ZRANB3: variants seen among roughly 807,000 people sequenced by gnomAD.
ZRANB3 encodes the protein zinc finger RANBP2-type containing 3, also known as DNA annealing helicase and endonuclease ZRANB3.
A neutral mutation model predicts 133.8 loss-of-function variants in ZRANB3; 125 were observed. The observed-to-expected ratio is 0.93, with a 90% CI of 0.81 to 1.08. ZRANB3 has a LOEUF of 1.08. ZRANB3 is among the 50% of genes least tolerant of loss of function. The pLI, the probability that ZRANB3 is intolerant of heterozygous loss-of-function variation, is 0.00. For synonymous variants in ZRANB3, 387 were observed against 432.7 expected (o/e 0.89, Z 1.31); for missense variants, 1,229 against 1,275.5 (o/e 0.96, Z 0.56).
chr2:135,437,071 T>C (rs1558998763), intron 2 of ZRANB3, among the ~76,000 whole-genome samples: 1 of 152,230 alleles, frequency 6.6e-6, no homozygotes, highest in Non-Finnish European at 1.5e-5. Flanking sequence ...GCGATTCTCC[T>C]GCCTCCGCTT....
chr2:135,362,157 C>G (rs577012290), intron 3 of ZRANB3, among the ~76,000 whole-genome samples: 33 of 148,996 alleles, frequency 2.2e-4, no homozygotes, highest in African/African-American at 7.4e-4. Flanking sequence ...GAGATCGCGC[C>G]ACTGCACTCC....
At chr2:135,348,131 C>T (rs55921554) in intron 5 of ZRANB3, among the ~76,000 whole-genome samples, 3 of 151,924 alleles carry the variant, frequency 2.0e-5, no homozygotes, top group South Asian at 4.2e-4. Context: ...TGGTGGCATG[C>T]GCCTGCAATC....
chr2:135,372,221 A>G (rs9798267), intron 3 of ZRANB3, among the ~76,000 whole-genome samples: 39,843 of 151,182 alleles, frequency 0.26, 8,778 homozygotes, highest in African/African-American at 0.59. Flanking sequence ...AAGCAATCTC[A>G]CCCCTTCTGC....
In ZRANB3 at chr2:135,479,066, T is replaced by C. The variant is rs113237338; in HGVS notation, c.161+25263A>G. On this transcript the variant is annotated intron_variant, in intron 2 of 20. Coordinates refer to ENST00000264159, the MANE Select transcript of ZRANB3 (RefSeq NM_032143.4). ...TGCCAATTTCCCCTTCTAACAATAG[T>C]ATAAGACAGTTAACACTGTTTCACA... is the stretch of plus-strand genomic sequence containing the variant. Among the ~76,000 whole-genome samples, 449 of 152,028 alleles carry C rather than the reference T, an allele frequency of 3.0e-3. 3 individuals carry two copies. The highest frequency in any genetic ancestry group is 0.01 in the African/African-American group (419 of 41,496).
intron 2 of ZRANB3, among the ~76,000 whole-genome samples, chr2:135,462,124 A>T (rs529075416): frequency 2.6e-5 from 4 of 152,322 alleles, no homozygotes; most frequent in African/African-American, 7.2e-5. Flanking sequence ...AGTTTCAGAT[A>T]TACACATTCA....
intron 1 of ZRANB3, among the ~76,000 whole-genome samples, chr2:135,517,499 T>C (rs925039416): frequency 1.3e-5 from 2 of 152,202 alleles, no homozygotes; most frequent in Admixed American, 6.5e-5. Context: ...CTCCTTTCTG[T>C]ATGTTAGTTT....
At chr2:135,326,193 TA>T (rs1488141575) in intron 6 of ZRANB3, among the ~76,000 whole-genome samples, 1 of 152,168 alleles carries the variant, frequency 6.6e-6, no homozygotes, top group South Asian at 2.1e-4. Flanking sequence ...TCATTTTTTA[TA>T]ACATAAAAAG....
intron 1 of ZRANB3, among the ~76,000 whole-genome samples, chr2:135,527,853 A>C (rs1394041468): frequency 6.6e-6 from 1 of 152,232 alleles, no homozygotes; most frequent in Non-Finnish European, 1.5e-5. Context: ...ATCTCTTGGT[A>C]ATAGAATTGC....
At chr2:135,205,597 C>T (rs1173709818) in intron 19 of ZRANB3, among the ~76,000 whole-genome samples, 1 of 152,280 alleles carries the variant, frequency 6.6e-6, no homozygotes, top group Admixed American at 6.5e-5. Flanking sequence ...GCAATCCTCC[C>T]GCCTTGGCCT....
At chr2:135,507,926 C>G (rs536711367) in intron 1 of ZRANB3, among the ~76,000 whole-genome samples, 1 of 149,188 alleles carries the variant, frequency 6.7e-6, no homozygotes, top group South Asian at 2.1e-4. Context: ...GATGACAGAG[C>G]GAGACTCTAT....
In ZRANB3 at chr2:135,410,870, CTATCAT is replaced by C; in HGVS notation, c.162-20056_162-20051del. Among the ~76,000 whole-genome samples, 2 of 152,272 alleles carry C rather than the reference CTATCAT, an allele frequency of 1.3e-5. 1 individual carries two copies. Among genetic ancestry groups the C allele is most frequent in the South Asian group, 4.1e-4 (2 of 4,822 alleles). On this transcript the variant is annotated intron_variant, in intron 2 of 20. Transcript: ENST00000264159. ...AAACATGAAAAAATGCTCAACATCA[CTATCAT>C]TTGACGAATGCAAACTAAAACCACA...
chr2:135,415,167 A>G (rs1688502533), intron 2 of ZRANB3, among the ~76,000 whole-genome samples: 1 of 147,542 alleles, frequency 6.8e-6, no homozygotes, highest in Non-Finnish European at 1.5e-5. Context: ...TGAATCCAGG[A>G]GCTGGTTTTT....
At chr2:135,252,656 G>C (rs950540537) in intron 12 of ZRANB3, among the ~76,000 whole-genome samples, 14 of 152,308 alleles carry the variant, frequency 9.2e-5, no homozygotes, top group African/African-American at 2.9e-4. Context: ...TGTCCTGAGT[G>C]AACCCTTCAC....
At position 135,255,256 on chromosome 2, in the gene ZRANB3, CA is replaced by C. The variant is rs762816645; in HGVS notation, c.1539+10277del. 3.3e-5 allele frequency among the ~76,000 whole-genome samples: 5 copies of C among 151,776 alleles called. No individual in the cohort carries two copies. In the South Asian group the frequency reaches 1.0e-3, roughly 32 times the overall value. On this transcript the variant is annotated intron_variant, in intron 12 of 20. Transcript: ENST00000264159. ...GCCAGTTTAGAAAAACAAAACAAAA[CA>C]ACACACACACACACACAGACACACA...
chr2:135,338,744 T>C (rs1160689951), intron 6 of ZRANB3, among the ~76,000 whole-genome samples: 2 of 152,214 alleles, frequency 1.3e-5, no homozygotes, highest in African/African-American at 4.8e-5. Context: ...TGTTATCCAA[T>C]CATGTATTAT....
At chr2:135,364,297 T>C (rs370707694) in intron 3 of ZRANB3, among the ~76,000 whole-genome samples, 32 of 152,280 alleles carry the variant, frequency 2.1e-4, no homozygotes, top group African/African-American at 6.3e-4. Context: ...AACAAACAGA[T>C]AAAAACACGA....
intron 2 of ZRANB3, among the ~76,000 whole-genome samples, chr2:135,441,862 G>C (rs1420152949): frequency 3.3e-5 from 5 of 152,096 alleles, no homozygotes; most frequent in African/African-American, 4.8e-5. Context: ...CAAAAGAATG[G>C]AGTCAAAGAG....
chr2:135,238,957 A>T (rs1013524247), intron 12 of ZRANB3: 1 of 152,170 alleles, frequency 6.6e-6, no homozygotes, highest in African/African-American at 2.4e-5. Context: ...CACAGTCATC[A>T]TGGAGGAGAC....
intron 17 of ZRANB3, among the ~76,000 whole-genome samples, chr2:135,211,556 A>C (rs1694096576): frequency 6.6e-6 from 1 of 152,164 alleles, no homozygotes; most frequent in South Asian, 2.1e-4. Context: ...AAAACAAAAC[A>C]AAAAGAAACC....
Sources: allele counts gnomAD v4.1 joint callset (sites outside exome capture counted in the v4.1 genomes callset), GRCh38; gene constraint gnomAD v4.1.1; transcripts MANE v1.5; gene names NCBI Gene and HGNC (gene_info 2026-07-23, HGNC 2026-07-21).